The following LSAMP variants were observed in gnomAD, a reference collection of about 807,000 sequenced individuals.
The protein encoded by LSAMP is limbic system associated membrane protein.
LSAMP carries 7 observed loss-of-function variants against 38.6 expected under a neutral mutation model. That is an observed-to-expected ratio of 0.18 (90% CI 0.10 to 0.34). LSAMP has a LOEUF of 0.34. LSAMP is among the 10% of genes least tolerant of loss of function. The pLI is 1.00. For synonymous variants in LSAMP, 154 were observed against 166.8 expected, an observed-to-expected ratio of 0.92 and a Z score of 0.59; for missense variants, 313 against 420.0, an observed-to-expected ratio of 0.75 and a Z score of 2.23.
intron 3 of LSAMP, among the ~76,000 whole-genome samples, chr3:115,856,054 G>A (rs1935497410): frequency 1.3e-5 from 2 of 152,152 alleles, no homozygotes; most frequent in African/African-American, 4.8e-5. Flanking sequence ...CTTTTCTGTT[G>A]TTGGAAAGCC....
intron 1 of LSAMP, among the ~76,000 whole-genome samples, chr3:116,306,404 C>G (rs921295401): frequency 3.9e-5 from 6 of 151,988 alleles, no homozygotes; most frequent in Non-Finnish European, 8.8e-5. Context: ...TGTCTGTATT[C>G]TTGGCAACAT....
intron 3 of LSAMP, among the ~76,000 whole-genome samples, chr3:115,994,895 C>T (rs947053742): frequency 6.6e-6 from 1 of 152,028 alleles, no homozygotes; most frequent in Non-Finnish European, 1.5e-5. Context: ...TAACCTATCA[C>T]AGAATGGCTT....
At chr3:116,033,831 T>G (rs768241955) in intron 2 of LSAMP, among the ~76,000 whole-genome samples, 1 of 152,094 alleles carries the variant, frequency 6.6e-6, no homozygotes, top group Non-Finnish European at 1.5e-5. Flanking sequence ...GGGGAGAACG[T>G]GATGCAGATG....
At chr3:115,948,403 T>A (rs1446123036) in intron 3 of LSAMP, among the ~76,000 whole-genome samples, 1 of 152,102 alleles carries the variant, frequency 6.6e-6, no homozygotes, top group East Asian at 1.9e-4. Flanking sequence ...TCAATAAATT[T>A]AAGAAAAATG....
chr3:115,954,877 T>G lies in LSAMP; in HGVS notation c.514+64638A>C, dbSNP rs529481558. Among the ~76,000 whole-genome samples, 3 of 152,244 alleles carry G rather than the reference T, an allele frequency of 2.0e-5. No individual in the cohort carries two copies. The East Asian group carries it at 5.8e-4, about 29-fold the overall frequency. Reference sequence around the variant, plus strand: ...CATGGATCCCCTTAGTCTTTGGTAATTTTTGCCAGGCTTTCTGTGCTTGAA... The same window carrying G: ...CATGGATCCCCTTAGTCTTTGGTAAGTTTTGCCAGGCTTTCTGTGCTTGAA... On this transcript the variant is annotated intron_variant, in intron 3 of 6. Transcript: ENST00000490035.
chr3:115,922,408 ATTTG>A (rs1310915750), intron 3 of LSAMP, among the ~76,000 whole-genome samples: 1 of 151,208 alleles, frequency 6.6e-6, no homozygotes, highest in Non-Finnish European at 1.5e-5. Flanking sequence ...CAGCTCCAAA[ATTTG>A]TTTGGTTTTC....
chr3:115,851,400 T>C (rs1576147477), intron 4 of LSAMP, among the ~76,000 whole-genome samples: 2 of 152,350 alleles, frequency 1.3e-5, no homozygotes, highest in East Asian at 3.9e-4. Flanking sequence ...TTCTTACATT[T>C]ACTTTCTGTG....
intron 1 of LSAMP, among the ~76,000 whole-genome samples, chr3:116,144,102 A>T (rs900102476): frequency 1.3e-5 from 2 of 151,968 alleles, no homozygotes; most frequent in Admixed American, 1.3e-4. Flanking sequence ...TTGCATTTTT[A>T]TCAGTTACTT....
chr3:115,868,007 T>C (rs1208268204), intron 3 of LSAMP, among the ~76,000 whole-genome samples: 3 of 152,098 alleles, frequency 2.0e-5, no homozygotes, highest in Non-Finnish European at 4.4e-5. Flanking sequence ...AGGTCCAAAA[T>C]ATGTTTGTTT....
chr3:116,380,101 T>C (rs550123157), intron 1 of LSAMP, among the ~76,000 whole-genome samples: 2 of 151,914 alleles, frequency 1.3e-5, no homozygotes, highest in East Asian at 3.9e-4. Flanking sequence ...ATTCAGGCCA[T>C]ATGAATGAGC....
intron 1 of LSAMP, among the ~76,000 whole-genome samples, chr3:116,230,809 CA>C (rs2046395240): frequency 6.6e-6 from 1 of 152,024 alleles, no homozygotes; most frequent in Non-Finnish European, 1.5e-5. Flanking sequence ...CCTTTATACT[CA>C]GGGTGATAAT....
chr3:116,270,532 CACCAATAAGG>C (rs1191411564), intron 1 of LSAMP, among the ~76,000 whole-genome samples: 1 of 152,086 alleles, frequency 6.6e-6, no homozygotes. Flanking sequence ...GACCTTCAGC[CACCAATAAGG>C]ACTAATAATA....
chr3:116,100,368 C>T lies in LSAMP; in HGVS notation c.156-13812G>A, dbSNP rs963809699. Among the ~76,000 whole-genome samples the T allele has an allele frequency of 2.6e-5, 4 of 152,126 alleles. No individual in the cohort carries two copies. The East Asian group carries it at 5.8e-4, about 22-fold the overall frequency. ...GTGCTGGGATTACAAACGTAAGCCA[C>T]CACCCCCAGCCAAAGTTATTCTTAT... On this transcript the variant is annotated intron_variant, in intron 1 of 6. Coordinates refer to ENST00000490035, the MANE Select transcript of LSAMP (RefSeq NM_002338.5).
rs115307725 is a variant in LSAMP at position 116,085,085 on chromosome 3, T to A, written c.388+1239A>T. Among the ~76,000 whole-genome samples the A allele has an allele frequency of 2.7e-3, 411 of 152,298 alleles. 2 individuals are homozygous for A. Among genetic ancestry groups the A allele is most frequent in the African/African-American group, 9.6e-3 (398 of 41,570 alleles). ...ACAAATTTAAATAGGTTGCCTAAGA[T>A]CCATACCCTGGTGTCTTTCTTGTAA... On this transcript the variant is annotated intron_variant, in intron 2 of 6. Coordinates refer to ENST00000490035, the MANE Select transcript of LSAMP (RefSeq NM_002338.5).
At chr3:115,812,857 A>C (rs1448234095) in intron 6 of LSAMP, among the ~76,000 whole-genome samples, 1 of 152,196 alleles carries the variant, frequency 6.6e-6, no homozygotes, top group Non-Finnish European at 1.5e-5. Context: ...TGGGAAGGTT[A>C]AGACTAGTCT....
In LSAMP at chr3:116,445,328, G is replaced by T. The variant is rs868715920; in HGVS notation, c.-297C>A. 1 of 561,432 alleles carries T rather than the reference G, an allele frequency of 1.8e-6. No homozygotes were observed. Among genetic ancestry groups the T allele is most frequent in the Non-Finnish European group, 3.1e-6 (1 of 319,520 alleles). 34.8% of individuals were successfully genotyped at this position (561,432 alleles called of 1,614,324 possible). A position where few individuals can be genotyped will look rare whatever the true frequency, so the allele number is the denominator to read the frequency against. ...GGAAGAGCTGAAGAGGAAGCCAAAG[G>T]AAAGGGTTCTTGTTTGGTCTCTCTG... On this transcript the variant is annotated 5_prime_UTR_variant, in exon 1 of 7. Transcript: ENST00000490035.
intron 3 of LSAMP, among the ~76,000 whole-genome samples, chr3:115,915,057 C>T (rs1363660034): frequency 1.3e-5 from 2 of 152,154 alleles, no homozygotes; most frequent in Non-Finnish European, 2.9e-5. Context: ...CATCTTGCTG[C>T]GATATAGAAA....
intron 2 of LSAMP, among the ~76,000 whole-genome samples, chr3:116,037,675 G>C (rs1246744634): frequency 6.6e-6 from 1 of 152,076 alleles, no homozygotes; most frequent in Admixed American, 6.6e-5. Context: ...AGATAAAATT[G>C]AGCCAGAATT....
intron 1 of LSAMP, among the ~76,000 whole-genome samples, chr3:116,248,442 T>A (rs756134601): frequency 1.3e-5 from 2 of 151,756 alleles, no homozygotes; most frequent in Non-Finnish European, 2.9e-5. Context: ...TTTGAATCTG[T>A]CTAGCCTGGG....
Sources: gnomAD v4.1 joint callset for allele counts (sites outside exome capture counted in the v4.1 genomes callset) on GRCh38, gnomAD v4.1.1 for gene constraint, MANE v1.5 for transcripts, NCBI Gene and HGNC (gene_info 2026-07-23, HGNC 2026-07-21) for gene names.